Variants in FAM178B observed in about 807,000 individuals in gnomAD.
The protein encoded by FAM178B is protein FAM178B.
Under a neutral mutation model 91.7 loss-of-function variants are expected in FAM178B, and 82 were observed. That is an observed-to-expected ratio of 0.89 (90% CI 0.75 to 1.07). FAM178B has a LOEUF of 1.07. Ranked by LOEUF, FAM178B falls within the 50% of genes least tolerant of loss-of-function variation. The pLI, the probability that FAM178B is intolerant of heterozygous loss-of-function variation, is 0.00. For synonymous variants in FAM178B, 368 were observed against 359.4 expected (o/e 1.02, Z -0.27); for missense variants, 769 against 846.7 (o/e 0.91, Z 1.14).
In FAM178B at chr2:96,929,243, C is replaced by G. The variant is rs1352034644; in HGVS notation, c.1156G>C (p.Ala386Pro). ...AFHSLGAHSP[A>P]LYPLGPFWHG... is the part of the protein sequence containing the mutation. ...CAAAAGGGCCCCAGAGGGTACAGGG[C>G]AGGACTGTGGGCACCCAGGCTGTGG... Residue 386 changes from alanine (A) to proline (P), a missense_variant, in exon 9 of 17, where the codon GCC (alanine) becomes CCC (proline). Physicochemically the swap from Ala to Pro is conservative, Grantham distance 27 (BLOSUM62 -1). Transcript: ENST00000490605. 1.3e-6 allele frequency: 2 copies of G among 1,551,670 alleles called. No individual in the cohort carries two copies. Among genetic ancestry groups the G allele is most frequent in the Admixed American group, 3.9e-5 (2 of 51,002 alleles).
At chr2:96,895,762 C>T (rs1353799052) in intron 13 of FAM178B, among the ~76,000 whole-genome samples, 2 of 152,214 alleles carry the variant, frequency 1.3e-5, no homozygotes, top group Non-Finnish European at 2.9e-5. Flanking sequence ...GGGCTTGAGC[C>T]CTGCAGCCCA....
chr2:96,903,132 C>T (rs1233471854), intron 12 of FAM178B, among the ~76,000 whole-genome samples: 3 of 152,234 alleles, frequency 2.0e-5, no homozygotes, highest in South Asian at 2.1e-4. Flanking sequence ...CTCCGCCTCC[C>T]GGGTTCACAC....
chr2:96,925,126 C>T (rs550479862), intron 9 of FAM178B, among the ~76,000 whole-genome samples: 5 of 152,240 alleles, frequency 3.3e-5, no homozygotes, highest in Non-Finnish European at 7.4e-5. Context: ...AGCTCTGGTT[C>T]GTACCAGCCT....
intron 13 of FAM178B, 112 bp from the exon 14 acceptor site, chr2:96,894,163 G>T (rs937559751): frequency 7.8e-7 from 1 of 1,281,442 alleles, no homozygotes; most frequent in African/African-American, 1.5e-5. Context: ...TAGGGCACTG[G>T]CTTCTGAGAC....
chr2:96,938,296 C>G (rs760488490), intron 8 of FAM178B, among the ~76,000 whole-genome samples: 1 of 152,202 alleles, frequency 6.6e-6, no homozygotes, highest in Non-Finnish European at 1.5e-5. Context: ...ACGAACTCAC[C>G]TGGGCCTCAC....
At chr2:96,938,297 T>C (rs1311104159) in intron 8 of FAM178B, among the ~76,000 whole-genome samples, 1 of 152,184 alleles carries the variant, frequency 6.6e-6, no homozygotes, top group Non-Finnish European at 1.5e-5. Flanking sequence ...CGAACTCACC[T>C]GGGCCTCACG....
intron 8 of FAM178B, among the ~76,000 whole-genome samples, chr2:96,937,960 C>T (rs1176190332): frequency 6.6e-6 from 1 of 152,126 alleles, no homozygotes; most frequent in Non-Finnish European, 1.5e-5. Context: ...CCCGAGAGGT[C>T]AAGGTCATGG....
At chr2:96,960,543 T>G in intron 5 of FAM178B, 103 bp from the exon 6 acceptor site, 2 of 1,335,756 alleles carry the variant, frequency 1.5e-6, no homozygotes, top group Non-Finnish European at 2.0e-6. Context: ...ACGGGCTCCC[T>G]GCCTTGCAGT....
At chr2:96,886,693 C>T (rs564542215) in intron 14 of FAM178B, among the ~76,000 whole-genome samples, 2 of 152,304 alleles carry the variant, frequency 1.3e-5, no homozygotes, top group South Asian at 4.1e-4. Context: ...AAACGTGATG[C>T]GCAGAGAGCA....
At chr2:96,878,315 C>T (rs1425703666) in intron 15 of FAM178B, 101 bp downstream of exon 15, 2 of 1,151,940 alleles carry the variant, frequency 1.7e-6, no homozygotes, top group African/African-American at 3.0e-5. Flanking sequence ...CTCTGCAGTT[C>T]CTAACAGTGG....
rs61735946 is a variant in FAM178B, at chr2:96,921,551, C to T, written c.1391G>A (p.Arg464His). 2.7e-4 allele frequency: 414 copies of T among 1,551,694 alleles called. No individual in the cohort carries two copies. The highest frequency in any genetic ancestry group is 5.9e-4 in the African/African-American group (43 of 73,136). The change falls in exon 11 of 17, where the codon CGC becomes CAC. Residue 464 changes from arginine (R) to histidine (H), a missense_variant. Physicochemically the swap from Arg to His is conservative, Grantham distance 29. Coordinates refer to ENST00000490605, the MANE Select transcript of FAM178B (RefSeq NM_001122646.3). ...LCRTSLDVGL[R>H]LLPKVDLQQL... ...CTGGAGGTCAACTTTGGGCAGCAGG[C>T]GGAGCCCCACGTCCAGGCTGGTGCG...
At chr2:96,981,258 G>A (rs534866096) in intron 1 of FAM178B, among the ~76,000 whole-genome samples, 18 of 152,196 alleles carry the variant, frequency 1.2e-4, no homozygotes, top group Admixed American at 3.3e-4. Context: ...GAGCCACCGC[G>A]CCCAACTCAC....
In FAM178B at chr2:96,923,473, C is replaced by T. The variant is rs540795267; in HGVS notation, c.1287+17G>A. The T allele has an allele frequency of 5.2e-6, 8 of 1,543,912 alleles. No individual in the cohort carries two copies. The African/African-American group carries it at 6.8e-5, about 13-fold the overall frequency. On this transcript the variant is annotated intron_variant, in intron 10 of 16. Coordinates refer to ENST00000490605, the MANE Select transcript of FAM178B (RefSeq NM_001122646.3). ...TAAGCCGAGAGTGCCCTGCATGAGGCAGGCGGCTTGACTCACCTTGTAGAT... is the reference window on the plus strand; with the variant it reads ...TAAGCCGAGAGTGCCCTGCATGAGGTAGGCGGCTTGACTCACCTTGTAGAT...
At chr2:96,969,091 C>T (rs72813606) in intron 4 of FAM178B, among the ~76,000 whole-genome samples, 1,805 of 152,324 alleles carry the variant, frequency 0.012, 17 homozygotes, top group Non-Finnish European at 0.02. Context: ...GGCTCCTCCA[C>T]GGCAACATGA....
intron 12 of FAM178B, among the ~76,000 whole-genome samples, chr2:96,904,852 T>C (rs921049228): frequency 2.6e-5 from 4 of 151,926 alleles, no homozygotes; most frequent in Middle Eastern, 3.2e-3. Flanking sequence ...AACTCTTTTA[T>C]GCCCGGGTTT....
Position 96,978,974 on chromosome 2 carries a change from C to CTCT in FAM178B, c.74-6369_74-6368insAGA, listed in dbSNP as rs1365362614. ...ATAGTATTCTATGGTGTATGTATCA[C>CTCT]TTTTTTTTTTTTTTTTTTTTTGAAA... is the stretch of plus-strand genomic sequence containing the variant. On this transcript the variant is annotated intron_variant, in intron 1 of 16. Coordinates refer to ENST00000490605, the MANE Select transcript of FAM178B (RefSeq NM_001122646.3). Among the ~76,000 whole-genome samples the CTCT allele has an allele frequency of 3.3e-3, 190 of 56,744 alleles. 5 individuals are homozygous for CTCT. The highest frequency in any genetic ancestry group is 6.6e-3 in the Non-Finnish European group (145 of 22,094). 37.2% of individuals were successfully genotyped at this position (56,744 alleles called of 152,430 possible). A position where few individuals can be genotyped will look rare whatever the true frequency, so the allele number is the denominator to read the frequency against.
chr2:96,884,164 G>C (rs1337216480), intron 14 of FAM178B, among the ~76,000 whole-genome samples: 7 of 152,112 alleles, frequency 4.6e-5, no homozygotes, highest in Non-Finnish European at 7.3e-5. Flanking sequence ...ACACAGAGAG[G>C]GCCTGGGACC....
At chr2:96,952,424 G>C (rs1283588521) in intron 6 of FAM178B, among the ~76,000 whole-genome samples, 1 of 152,168 alleles carries the variant, frequency 6.6e-6, no homozygotes, top group Non-Finnish European at 1.5e-5. Context: ...CCACGCGGCT[G>C]TGGCTGTGAC....
At chr2:96,918,478 G>T (rs2081279022) in intron 12 of FAM178B, among the ~76,000 whole-genome samples, 1 of 152,190 alleles carries the variant, frequency 6.6e-6, no homozygotes, top group African/African-American at 2.4e-5. Flanking sequence ...TCACCAGATT[G>T]ACTAAAACTC....
Sources: allele counts gnomAD v4.1 joint callset (sites outside exome capture counted in the v4.1 genomes callset), GRCh38; gene constraint gnomAD v4.1.1; transcripts MANE v1.5; gene names NCBI Gene and HGNC (gene_info 2026-07-23, HGNC 2026-07-21).